Variants in OR6N1 observed in about 807,000 individuals in gnomAD.
The protein encoded by OR6N1 is olfactory receptor family 6 subfamily N member 1, also known as olfactory receptor 6N1.
For missense variants in OR6N1, 394 were observed against 371.7 expected, an observed-to-expected ratio of 1.06 and a Z score of -0.49; for synonymous variants, 170 against 150.7, an observed-to-expected ratio of 1.13 and a Z score of -0.94.
the OR6N1 span, among the ~76,000 whole-genome samples, chr1:158,807,855 T>C: frequency 6.6e-6 from 1 of 152,210 alleles, no homozygotes; most frequent in South Asian, 2.1e-4. Context: ...CCTCCCTTTG[T>C]TGCATTTCTT....
Position 158,765,881 on chromosome 1 carries a change from G to A in OR6N1, c.802C>T (p.Leu268=), listed in dbSNP as rs767408369. ...ACTGCCAGGGCCTGGTCATAGTCCA[G>A]TGAGTAGCTCTTCTTCAGCTGCACA... ...MYVQLKKSYS[L]DYDQALAVVY... The change falls in exon 2 of 2, where the codon CTG becomes TTG. Residue 268 remains leucine (L), a synonymous_variant. Coordinates refer to ENST00000641846, the MANE Select transcript of OR6N1 (RefSeq NM_001005185.2). The A allele has an allele frequency of 3.2e-5, 52 of 1,614,038 alleles. No homozygotes were observed. Among genetic ancestry groups the A allele is most frequent in the Non-Finnish European group, 4.1e-5 (48 of 1,180,018 alleles).
At position 158,765,455 on chromosome 1, in the gene OR6N1, T is replaced by C. The variant is rs1343972025; in HGVS notation, c.*289A>G. 1 of 278,840 alleles carries C rather than the reference T, an allele frequency of 3.6e-6. No individual in the cohort carries two copies. The highest frequency in any genetic ancestry group is 4.7e-5 in the Admixed American group (1 of 21,234). The allele number at this position is 278,840 out of a possible 1,614,324, so 17.3% of individuals were successfully genotyped here. A position where few individuals can be genotyped will look rare whatever the true frequency, so the allele number is the denominator to read the frequency against. On this transcript the variant is annotated 3_prime_UTR_variant, in exon 2 of 2. Coordinates refer to ENST00000641846, the MANE Select transcript of OR6N1 (RefSeq NM_001005185.2). ...AAACGTATAATAGGTAAGACACAGA[T>C]TTTAAAAAAAACCTAAGTGTGATAC...
intron 1 of OR6N1, among the ~76,000 whole-genome samples, chr1:158,768,850 C>G (rs1247206864): frequency 6.6e-6 from 1 of 152,162 alleles, no homozygotes; most frequent in Non-Finnish European, 1.5e-5. Flanking sequence ...TAATTTTTAA[C>G]TTTTTTTCCA....
chr1:158,803,067 G>A, the OR6N1 span, among the ~76,000 whole-genome samples: 3 of 152,046 alleles, frequency 2.0e-5, no homozygotes, highest in South Asian at 6.2e-4. Context: ...GAATCAGGTG[G>A]AAAGAAAGCA....
upstream of OR6N1, among the ~76,000 whole-genome samples, chr1:158,773,875 T>C (rs1657488515): frequency 6.6e-6 from 1 of 152,190 alleles, no homozygotes; most frequent in African/African-American, 2.4e-5. Flanking sequence ...ATATTACTGA[T>C]TAAATCTGTC....
chr1:158,791,532 C>T, the OR6N1 span, among the ~76,000 whole-genome samples: 686 of 148,630 alleles, frequency 4.6e-3, 8 homozygotes, highest in South Asian at 0.014. Flanking sequence ...TGCAGTGGCG[C>T]GATCTCAGCT....
chr1:158,805,483 G>A, the OR6N1 span, among the ~76,000 whole-genome samples: 3 of 152,184 alleles, frequency 2.0e-5, no homozygotes, highest in Non-Finnish European at 4.4e-5. Flanking sequence ...CTTACTGCTT[G>A]AGGCAACCAG....
At chr1:158,795,548 GT>G in the OR6N1 span, among the ~76,000 whole-genome samples, 8 of 152,224 alleles carry the variant, frequency 5.3e-5, no homozygotes, top group Non-Finnish European at 8.8e-5. Flanking sequence ...AAGGTCCCTT[GT>G]GAGGTAGGAT....
the OR6N1 span, among the ~76,000 whole-genome samples, chr1:158,824,569 C>T: frequency 5.7e-3 from 868 of 152,204 alleles, 6 homozygotes; most frequent in African/African-American, 0.02. Context: ...AGATTTTCTT[C>T]TAGGCCCATT....
chr1:158,816,800 C>T, the OR6N1 span, among the ~76,000 whole-genome samples: 1 of 152,228 alleles, frequency 6.6e-6, no homozygotes, highest in African/African-American at 2.4e-5. Context: ...TTGGATCTTA[C>T]CCGTATGGGC....
the OR6N1 span, among the ~76,000 whole-genome samples, chr1:158,791,064 A>G: frequency 6.6e-6 from 1 of 152,224 alleles, no homozygotes; most frequent in Non-Finnish European, 1.5e-5. Context: ...GCGATTAAAC[A>G]CATTTATTGA....
intron 1 of OR6N1, among the ~76,000 whole-genome samples, chr1:158,769,813 G>T (rs1325859184): frequency 2.0e-5 from 3 of 152,118 alleles, no homozygotes; most frequent in Non-Finnish European, 4.4e-5. Flanking sequence ...CTTTTATATG[G>T]GTGATTTTGC....
At chr1:158,813,516 T>C in the OR6N1 span, among the ~76,000 whole-genome samples, 1 of 152,044 alleles carries the variant, frequency 6.6e-6, no homozygotes. Context: ...TATTTGCTTG[T>C]TTTTACATAA....
the OR6N1 span, among the ~76,000 whole-genome samples, chr1:158,822,926 T>C: frequency 1.3e-5 from 2 of 152,236 alleles, no homozygotes; most frequent in Admixed American, 1.3e-4. Flanking sequence ...GAACAGATGC[T>C]GAATTTTATC....
upstream of OR6N1, chr1:158,777,083 G>A (rs369833807): frequency 1.2e-5 from 19 of 1,614,042 alleles, no homozygotes; most frequent in African/African-American, 2.3e-4. Context: ...GCCAAGCTCA[G>A]CAAAGGTGGA....
chr1:158,823,702 C>T, the OR6N1 span, among the ~76,000 whole-genome samples: 3 of 148,138 alleles, frequency 2.0e-5, no homozygotes, highest in African/African-American at 7.4e-5. Context: ...TTTTGTGTAT[C>T]AGTTTCCTTT....
the OR6N1 span, among the ~76,000 whole-genome samples, chr1:158,801,413 AACAG>A: frequency 6.6e-6 from 1 of 152,144 alleles, no homozygotes; most frequent in Non-Finnish European, 1.5e-5. Flanking sequence ...AGAATCAATG[AACAG>A]ACAAAGTACA....
At chr1:158,816,548 A>C in the OR6N1 span, among the ~76,000 whole-genome samples, 1 of 151,970 alleles carries the variant, frequency 6.6e-6, no homozygotes, top group Non-Finnish European at 1.5e-5. Flanking sequence ...AAATTAGCCA[A>C]GTGTGGTGGC....
chr1:158,818,462 GTC>G, the OR6N1 span, among the ~76,000 whole-genome samples: 96 of 152,328 alleles, frequency 6.3e-4, no homozygotes, highest in Non-Finnish European at 1.1e-3. Flanking sequence ...GATGTAGTCA[GTC>G]TCTGTTCTGA....
Sources: gnomAD v4.1 joint callset for allele counts (sites outside exome capture counted in the v4.1 genomes callset) on GRCh38, gnomAD v4.1.1 for gene constraint, MANE v1.5 for transcripts, NCBI Gene and HGNC (gene_info 2026-07-23, HGNC 2026-07-21) for gene names.